UNC5D: variants seen among roughly 807,000 people sequenced by gnomAD.
The protein encoded by UNC5D is unc-5 netrin receptor D.
A neutral mutation model predicts 105.4 loss-of-function variants in UNC5D; 39 were observed. The ratio of observed to expected loss-of-function variants is 0.37; its 90% CI spans 0.29 to 0.48. The LOEUF is 0.48. UNC5D is among the 20% of genes least tolerant of loss of function. The pLI, the probability that UNC5D is intolerant of heterozygous loss-of-function variation, is 0.98. For synonymous variants in UNC5D, 452 were observed against 450.4 expected, an observed-to-expected ratio of 1.00 and a Z score of -0.04; for missense variants, 991 against 1,202.4, an observed-to-expected ratio of 0.82 and a Z score of 2.60.
intron 1 of UNC5D, among the ~76,000 whole-genome samples, chr8:35,494,254 G>T (rs186102153): frequency 5.3e-4 from 81 of 152,162 alleles, no homozygotes; most frequent in African/African-American, 1.9e-3. Context: ...TAAGTATTTG[G>T]TGTCTCTTCA....
At chr8:35,605,470 CAGTT>C (rs1162911100) in intron 4 of UNC5D, among the ~76,000 whole-genome samples, 1 of 152,332 alleles carries the variant, frequency 6.6e-6, no homozygotes, top group East Asian at 1.9e-4. Flanking sequence ...GGTTGCCTCT[CAGTT>C]AGGCTACTTG....
intron 3 of UNC5D, among the ~76,000 whole-genome samples, chr8:35,574,838 TGG>T (rs920197405): frequency 1.2e-3 from 176 of 152,278 alleles, no homozygotes; most frequent in African/African-American, 4.0e-3. Flanking sequence ...GTCTAGGATG[TGG>T]GACTCATTTT....
At chr8:35,331,252 G>T (rs1207550371) in intron 1 of UNC5D, among the ~76,000 whole-genome samples, 1 of 152,190 alleles carries the variant, frequency 6.6e-6, no homozygotes, top group Non-Finnish European at 1.5e-5. Flanking sequence ...TTGAAGTCCA[G>T]TGGTTCGATA....
intron 1 of UNC5D, among the ~76,000 whole-genome samples, chr8:35,337,782 AG>A (rs1271367203): frequency 6.6e-6 from 1 of 152,028 alleles, no homozygotes; most frequent in Non-Finnish European, 1.5e-5. Context: ...CAGATAGCCA[AG>A]GAAGTCAATT....
chr8:35,367,649 A>G (rs1802195105), intron 1 of UNC5D, among the ~76,000 whole-genome samples: 1 of 152,230 alleles, frequency 6.6e-6, no homozygotes, highest in Admixed American at 6.5e-5. Context: ...ATATAAAAAT[A>G]GCAAAGTCAA....
intron 1 of UNC5D, among the ~76,000 whole-genome samples, chr8:35,304,330 A>G (rs577998333): frequency 6.6e-6 from 1 of 152,252 alleles, no homozygotes; most frequent in South Asian, 2.1e-4. Flanking sequence ...GTGTTAGGCA[A>G]TATCTGTTGA....
chr8:35,326,922 A>C (rs528767335), intron 1 of UNC5D, among the ~76,000 whole-genome samples: 1 of 152,298 alleles, frequency 6.6e-6, no homozygotes, highest in Admixed American at 6.5e-5. Flanking sequence ...TGGATACAAA[A>C]AGAAGGAAGG....
chr8:35,672,708 TG>T (rs1488411438), intron 4 of UNC5D, among the ~76,000 whole-genome samples: 3 of 152,230 alleles, frequency 2.0e-5, no homozygotes, highest in Admixed American at 6.5e-5. Context: ...TCTTTTCCTC[TG>T]ATCATCATTC....
At chr8:35,547,862 T>C (rs887536920) in intron 1 of UNC5D, among the ~76,000 whole-genome samples, 3 of 152,126 alleles carry the variant, frequency 2.0e-5, no homozygotes, top group African/African-American at 7.2e-5. Context: ...TTAATGAGTA[T>C]TGACTCACGA....
chr8:35,521,020 TTCCTTTTTCAC>T (rs1813426173), intron 1 of UNC5D, among the ~76,000 whole-genome samples: 1 of 152,182 alleles, frequency 6.6e-6, no homozygotes. Context: ...GTTTATATTG[TTCCTTTTTCAC>T]TCAAGAGACT....
intron 7 of UNC5D, among the ~76,000 whole-genome samples, chr8:35,692,882 C>T (rs1826505149): frequency 6.6e-6 from 1 of 152,178 alleles, no homozygotes; most frequent in Non-Finnish European, 1.5e-5. Flanking sequence ...CAATAGCTTG[C>T]CTTTCTGCAT....
intron 3 of UNC5D, among the ~76,000 whole-genome samples, chr8:35,571,943 C>T (rs1258492148): frequency 1.3e-5 from 2 of 152,048 alleles, no homozygotes; most frequent in East Asian, 1.9e-4. Flanking sequence ...CATCAGAGCT[C>T]CTTATGTTTC....
At chr8:35,606,731 G>T (rs1184068549) in intron 4 of UNC5D, among the ~76,000 whole-genome samples, 1 of 152,224 alleles carries the variant, frequency 6.6e-6, no homozygotes, top group Non-Finnish European at 1.5e-5. Context: ...AGGATGTGCA[G>T]TCTGGTAAGA....
intron 1 of UNC5D, among the ~76,000 whole-genome samples, chr8:35,293,804 C>T (rs1807258364): frequency 6.6e-6 from 1 of 152,224 alleles, no homozygotes; most frequent in Non-Finnish European, 1.5e-5. Flanking sequence ...TCAATTGGGG[C>T]TCTCCCAATA....
intron 1 of UNC5D, among the ~76,000 whole-genome samples, chr8:35,433,816 T>G (rs979130838): frequency 1.4e-5 from 2 of 143,082 alleles, no homozygotes; most frequent in Admixed American, 1.4e-4. Flanking sequence ...ACCATTGCAC[T>G]CCAGCCTGGC....
chr8:35,504,189 C>T (rs1812159353), intron 1 of UNC5D, among the ~76,000 whole-genome samples: 1 of 152,178 alleles, frequency 6.6e-6, no homozygotes. Context: ...TGACTTCTCA[C>T]TTAATTATGG....
chr8:35,586,910 A>G (rs1818827217), intron 3 of UNC5D, among the ~76,000 whole-genome samples: 1 of 152,174 alleles, frequency 6.6e-6, no homozygotes, highest in South Asian at 2.1e-4. Context: ...TTGAATTTTT[A>G]TTGATTTTCT....
chr8:35,558,987 G>C (rs537804294), intron 2 of UNC5D, among the ~76,000 whole-genome samples: 1 of 145,176 alleles, frequency 6.9e-6, no homozygotes, highest in East Asian at 2.0e-4. Context: ...GTCTCCAGGG[G>C]AAAAAAAAAA....
intron 1 of UNC5D, among the ~76,000 whole-genome samples, chr8:35,477,712 G>A (rs564256316): frequency 9.9e-5 from 15 of 151,968 alleles, no homozygotes; most frequent in South Asian, 2.1e-4. Context: ...ACTTAAGATC[G>A]CATTTTTATT....
Sources: allele counts gnomAD v4.1 joint callset (sites outside exome capture counted in the v4.1 genomes callset), GRCh38; gene constraint gnomAD v4.1.1; transcripts MANE v1.5; gene names NCBI Gene and HGNC (gene_info 2026-07-23, HGNC 2026-07-21).